The following ROBO2 variants were observed in gnomAD, a reference collection of about 807,000 sequenced individuals.
ROBO2 encodes the protein roundabout homolog 2.
In ROBO2, 53 loss-of-function variants were observed where a neutral mutation model predicts 160.8. The ratio of observed to expected loss-of-function variants is 0.33; its 90% CI spans 0.26 to 0.41. ROBO2 has a LOEUF of 0.41. Ranked by LOEUF, ROBO2 falls within the 10% of genes least tolerant of loss-of-function variation. The probability of loss-of-function intolerance (pLI) is 1.00; values close to 1 mark genes in which losing one functional copy is unlikely to be tolerated. For synonymous variants in ROBO2, 664 were observed against 611.7 expected (o/e 1.09, Z -1.26); for missense variants, 1,577 against 1,722.4 (o/e 0.92, Z 1.49).
chr3:76,157,685 C>T (rs1459348894), intron 2 of ROBO2, among the ~76,000 whole-genome samples: 2 of 152,110 alleles, frequency 1.3e-5, no homozygotes, highest in Non-Finnish European at 2.9e-5. Flanking sequence ...AACAACAGAA[C>T]TAAATTTCCA....
intron 2 of ROBO2, among the ~76,000 whole-genome samples, chr3:76,865,673 T>G (rs981160856): frequency 6.6e-6 from 1 of 152,112 alleles, no homozygotes; most frequent in Non-Finnish European, 1.5e-5. Flanking sequence ...GATATAAATG[T>G]CACTGATATT....
chr3:76,366,391 T>C (rs2075814264), intron 2 of ROBO2, among the ~76,000 whole-genome samples: 2 of 151,618 alleles, frequency 1.3e-5, no homozygotes, highest in South Asian at 4.1e-4. Context: ...ATACTTCAGA[T>C]TTTTTTTATG....
chr3:77,203,179 A>G (rs1217868518), intron 2 of ROBO2, among the ~76,000 whole-genome samples: 1 of 152,236 alleles, frequency 6.6e-6, no homozygotes, highest in Non-Finnish European at 1.5e-5. Context: ...GAATAAAAGC[A>G]CTGCACATAA....
intron 1 of ROBO2, among the ~76,000 whole-genome samples, chr3:77,096,208 G>A (rs369136218): frequency 6.6e-6 from 1 of 151,974 alleles, no homozygotes; most frequent in East Asian, 1.9e-4. Context: ...TGATTGGTTG[G>A]AAAATCTTAT....
intron 2 of ROBO2, among the ~76,000 whole-genome samples, chr3:77,240,408 G>A (rs768201020): frequency 1.4e-4 from 22 of 152,138 alleles, no homozygotes; most frequent in Non-Finnish European, 2.1e-4. Context: ...ACGCCCACCC[G>A]GAACTCACGC....
intron 2 of ROBO2, among the ~76,000 whole-genome samples, chr3:77,473,751 T>A (rs1407283520): frequency 6.6e-6 from 1 of 152,106 alleles, no homozygotes; most frequent in Non-Finnish European, 1.5e-5. Context: ...CCACCGCGCC[T>A]GGCTGCAGGC....
intron 2 of ROBO2, among the ~76,000 whole-genome samples, chr3:76,791,233 C>A (rs2063330596): frequency 6.6e-6 from 1 of 151,632 alleles, no homozygotes; most frequent in Non-Finnish European, 1.5e-5. Flanking sequence ...TTGAGGACAG[C>A]TCAAAATAAA....
At chr3:76,201,677 C>T (rs938629259) in intron 2 of ROBO2, among the ~76,000 whole-genome samples, 1 of 151,992 alleles carries the variant, frequency 6.6e-6, no homozygotes, top group Non-Finnish European at 1.5e-5. Context: ...AAGCAGACGG[C>T]CATAAACTTT....
intron 2 of ROBO2, among the ~76,000 whole-genome samples, chr3:75,973,185 G>A (rs928113665): frequency 1.3e-5 from 2 of 151,590 alleles, no homozygotes; most frequent in African/African-American, 4.8e-5. Context: ...TAGCCAGGTA[G>A]GTAGGTCGTA....
rs562549143 is a variant in ROBO2 at position 77,186,183 on chromosome 3, G to T, written c.388+87843G>T. 2.2e-4 allele frequency among the ~76,000 whole-genome samples: 32 copies of T among 147,782 alleles called. 1 individual carries two copies. In the Admixed American group the frequency reaches 2.2e-3, roughly 10 times the overall value. ...CTTCCCAAATAACCTATGGAAATAAGTTTTTTTTTTTAAGTCAGTGTCATA... is the reference window on the plus strand; with the variant it reads ...CTTCCCAAATAACCTATGGAAATAATTTTTTTTTTTTAAGTCAGTGTCATA... On this transcript the variant is annotated intron_variant, in intron 2 of 25. Coordinates refer to ENST00000461745, the Ensembl canonical transcript of ROBO2.
chr3:76,307,278 C>T (rs1249705350), intron 2 of ROBO2, among the ~76,000 whole-genome samples: 2 of 152,192 alleles, frequency 1.3e-5, no homozygotes, highest in African/African-American at 4.8e-5. Context: ...ACCTTCTCTG[C>T]CCTGAATGTC....
intron 2 of ROBO2, among the ~76,000 whole-genome samples, chr3:77,014,315 A>G (rs956455131): frequency 6.6e-6 from 1 of 152,302 alleles, no homozygotes; most frequent in East Asian, 1.9e-4. Context: ...TCTCACAAGC[A>G]GCTTAGGTAA....
At chr3:76,045,400 C>G (rs1470532380) in intron 2 of ROBO2, among the ~76,000 whole-genome samples, 1 of 151,992 alleles carries the variant, frequency 6.6e-6, no homozygotes, top group African/African-American at 2.4e-5. Context: ...CCTCAGGAGC[C>G]AGGCAGATTG....
intron 1 of ROBO2, among the ~76,000 whole-genome samples, chr3:77,090,603 C>T (rs2070079224): frequency 1.3e-5 from 2 of 151,924 alleles, no homozygotes; most frequent in South Asian, 4.2e-4. Context: ...ATCTGCCCGC[C>T]TCGGCCTCCC....
intron 2 of ROBO2, among the ~76,000 whole-genome samples, chr3:76,579,544 T>G (rs1231852297): frequency 6.6e-6 from 1 of 152,034 alleles, no homozygotes; most frequent in Non-Finnish European, 1.5e-5. Flanking sequence ...AAAACACATA[T>G]CAAGTATGCT....
intron 2 of ROBO2, among the ~76,000 whole-genome samples, chr3:76,707,738 T>C (rs1245188482): frequency 4.0e-5 from 2 of 50,244 alleles, no homozygotes; most frequent in Non-Finnish European, 1.0e-4. Flanking sequence ...TGTGTATATA[T>C]ATATATATAT....
intron 2 of ROBO2, among the ~76,000 whole-genome samples, chr3:77,234,947 T>C (rs778894015): frequency 6.6e-6 from 1 of 152,170 alleles, no homozygotes; most frequent in Non-Finnish European, 1.5e-5. Context: ...GTTTTGATGA[T>C]TGCATTATGT....
intron 2 of ROBO2, among the ~76,000 whole-genome samples, chr3:76,589,436 G>T (rs1224798680): frequency 6.6e-6 from 1 of 152,112 alleles, no homozygotes; most frequent in Admixed American, 6.6e-5. Flanking sequence ...GAGTAGCTGG[G>T]ACTACAGGCG....
At chr3:76,521,737 G>C (rs563811128) in intron 2 of ROBO2, among the ~76,000 whole-genome samples, 30 of 152,084 alleles carry the variant, frequency 2.0e-4, no homozygotes, top group African/African-American at 6.7e-4. Context: ...TTTGTTCCTT[G>C]CCTTGTCTGC....
Sources: gnomAD v4.1 joint callset for allele counts (sites outside exome capture counted in the v4.1 genomes callset) on GRCh38, gnomAD v4.1.1 for gene constraint, MANE v1.5 for transcripts, NCBI Gene and HGNC (gene_info 2026-07-23, HGNC 2026-07-21) for gene names.